SAMD3: variants seen among roughly 807,000 people sequenced by gnomAD.
The protein encoded by SAMD3 is sterile alpha motif domain-containing protein 3.
Under a neutral mutation model 58.5 loss-of-function variants are expected in SAMD3, and 63 were observed. The observed-to-expected ratio is 1.08, with a 90% CI of 0.88 to 1.33. SAMD3 has a LOEUF of 1.33. SAMD3 is among the 40% of genes most tolerant of loss of function. SAMD3 has a pLI of 0.00. For synonymous variants in SAMD3, 220 were observed against 210.3 expected, an observed-to-expected ratio of 1.05 and a Z score of -0.40; for missense variants, 604 against 608.4, an observed-to-expected ratio of 0.99 and a Z score of 0.08.
upstream of SAMD3, among the ~76,000 whole-genome samples, chr6:130,225,127 G>A (rs186782383): frequency 2.6e-5 from 4 of 151,428 alleles, no homozygotes; most frequent in Admixed American, 6.6e-5. Context: ...AGAGGAAAAG[G>A]TTATGTGAAT....
At chr6:130,227,905 C>T (rs953272595), upstream of SAMD3, among the ~76,000 whole-genome samples, 5 of 152,062 alleles carry the variant, frequency 3.3e-5, no homozygotes, top group African/African-American at 9.7e-5. Context: ...GTAAAATCCT[C>T]TCGTTTCCTA....
intron 5 of SAMD3, among the ~76,000 whole-genome samples, chr6:130,208,224 T>A (rs1795243540): frequency 6.6e-6 from 1 of 152,246 alleles, no homozygotes; most frequent in Admixed American, 6.5e-5. Flanking sequence ...CCGATTATTC[T>A]TTGTGTGCAA....
At chr6:130,340,959 C>T (rs761410912) in intron 1 of SAMD3, among the ~76,000 whole-genome samples, 19 of 152,098 alleles carry the variant, frequency 1.2e-4, no homozygotes, top group Non-Finnish European at 2.1e-4. Flanking sequence ...GTGTGTCATC[C>T]TTGAGTGAAA....
At chr6:130,172,151 GA>G (rs1791311053) in intron 8 of SAMD3, among the ~76,000 whole-genome samples, 2 of 152,158 alleles carry the variant, frequency 1.3e-5, no homozygotes, top group African/African-American at 4.8e-5. Context: ...GATGGGTCTT[GA>G]CTCTTTATCC....
chr6:130,215,603 C>T (rs1200141240), intron 2 of SAMD3: 1 of 1,377,678 alleles, frequency 7.3e-7, no homozygotes, highest in Admixed American at 3.1e-5. Flanking sequence ...TACAATGGTA[C>T]CCAATCCTGT....
chr6:130,287,407 A>C (rs1315925494), intron 2 of SAMD3, among the ~76,000 whole-genome samples: 1 of 152,238 alleles, frequency 6.6e-6, no homozygotes, highest in African/African-American at 2.4e-5. Flanking sequence ...TCCTTCAACA[A>C]ATACTTGAAT....
intron 2 of SAMD3, chr6:130,286,156 C>G (rs1299406754): frequency 6.6e-6 from 1 of 152,194 alleles, no homozygotes; most frequent in Non-Finnish European, 1.5e-5. Flanking sequence ...GTTTGTTTAG[C>G]ACCAGAAGCC....
chr6:130,323,802 C>CAAAAAGA (rs1776663843), intron 1 of SAMD3, among the ~76,000 whole-genome samples: 1 of 53,544 alleles, frequency 1.9e-5, no homozygotes, highest in Non-Finnish European at 3.3e-5. Flanking sequence ...GACTCTGTCT[C>CAAAAAGA]AAAAAAAAAA....
intron 2 of SAMD3, among the ~76,000 whole-genome samples, chr6:130,266,845 T>C (rs547128930): frequency 6.6e-6 from 1 of 152,338 alleles, no homozygotes; most frequent in Non-Finnish European, 1.5e-5. Flanking sequence ...ATTGGAAAGA[T>C]GATGAATGGC....
chr6:130,325,254 G>A (rs1776718305), intron 1 of SAMD3, among the ~76,000 whole-genome samples: 1 of 152,172 alleles, frequency 6.6e-6, no homozygotes, highest in African/African-American at 2.4e-5. Context: ...GAGGCCAAGA[G>A]TCCCTTGATA....
chr6:130,255,740 C>T (rs981327802), intron 2 of SAMD3, among the ~76,000 whole-genome samples: 1 of 152,024 alleles, frequency 6.6e-6, no homozygotes, highest in Non-Finnish European at 1.5e-5. Flanking sequence ...GCGATCCCCC[C>T]ACCTCAGCCT....
At chr6:130,165,884 G>T (rs1158233949) in intron 8 of SAMD3, among the ~76,000 whole-genome samples, 2 of 152,170 alleles carry the variant, frequency 1.3e-5, no homozygotes, top group Non-Finnish European at 2.9e-5. Context: ...TGGTTGAAGA[G>T]ATCCCCAAGG....
chr6:130,280,277 G>A (rs1198581128), intron 2 of SAMD3, among the ~76,000 whole-genome samples: 1 of 152,164 alleles, frequency 6.6e-6, no homozygotes, highest in African/African-American at 2.4e-5. Context: ...CACCTTGCAG[G>A]TCTTTCTTGT....
At chr6:130,239,011 G>A (rs921616460) in intron 2 of SAMD3, among the ~76,000 whole-genome samples, 1 of 152,076 alleles carries the variant, frequency 6.6e-6, no homozygotes. Flanking sequence ...CGCCTGCTTC[G>A]GCCTCCCAAA....
At chr6:130,156,845 G>T (rs551352199) in intron 8 of SAMD3, among the ~76,000 whole-genome samples, 1 of 152,198 alleles carries the variant, frequency 6.6e-6, no homozygotes, top group South Asian at 2.1e-4. Context: ...GAGGCGGGTG[G>T]ATCACCTTAG....
At chr6:130,218,860 G>T (rs1361165978) in intron 1 of SAMD3, among the ~76,000 whole-genome samples, 1 of 152,172 alleles carries the variant, frequency 6.6e-6, no homozygotes, top group African/African-American at 2.4e-5. Flanking sequence ...GGACCGTGCT[G>T]CTTGGAATAG....
At chr6:130,243,406 G>T (rs1354226983) in intron 2 of SAMD3, among the ~76,000 whole-genome samples, 1 of 151,986 alleles carries the variant, frequency 6.6e-6, no homozygotes, top group African/African-American at 2.4e-5. Flanking sequence ...CCACCCCTTT[G>T]CTAAGAGAGG....
chr6:130,292,909 T>C (rs1347084996), intron 2 of SAMD3, among the ~76,000 whole-genome samples: 151 of 152,318 alleles, frequency 9.9e-4, no homozygotes, highest in Non-Finnish European at 5.9e-5. Flanking sequence ...TGAACCACCA[T>C]GCCCGGCCAG....
intron 1 of SAMD3, among the ~76,000 whole-genome samples, chr6:130,320,672 C>T (rs530740768): frequency 6.6e-6 from 1 of 152,194 alleles, no homozygotes; most frequent in East Asian, 1.9e-4. Flanking sequence ...CAATCAATGA[C>T]ATAAAGAGGA....
Sources: allele counts gnomAD v4.1 joint callset (sites outside exome capture counted in the v4.1 genomes callset), GRCh38; gene constraint gnomAD v4.1.1; transcripts MANE v1.5; gene names NCBI Gene and HGNC (gene_info 2026-07-23, HGNC 2026-07-21).